CWC27: variants seen among roughly 807,000 people sequenced by gnomAD.
CWC27 encodes the protein spliceosome-associated protein CWC27 homolog.
In CWC27, 47 loss-of-function variants were observed where a neutral mutation model predicts 63.6. The ratio of observed to expected loss-of-function variants is 0.74; its 90% confidence interval spans 0.58 to 0.94. CWC27 has a LOEUF of 0.94. Among genes scored for constraint, CWC27 ranks in the 40% least tolerant of loss-of-function variants. The pLI is 0.00. For synonymous variants in CWC27, 175 were observed against 179.8 expected (o/e 0.97, Z 0.22); for missense variants, 495 against 554.3 (o/e 0.89, Z 1.07).
At chr5:64,901,745 A>G (rs191211711) in intron 11 of CWC27, among the ~76,000 whole-genome samples, 202 of 152,304 alleles carry the variant, frequency 1.3e-3, no homozygotes, top group African/African-American at 4.6e-3. Flanking sequence ...TTTTGTAATC[A>G]CACGTAGCTT....
At chr5:64,846,721 C>T (rs866471534) in intron 10 of CWC27, among the ~76,000 whole-genome samples, 11 of 151,828 alleles carry the variant, frequency 7.2e-5, no homozygotes, top group Non-Finnish European at 1.2e-4. Context: ...AGGCCGGGCA[C>T]AGTGGCTCAT....
intron 10 of CWC27, among the ~76,000 whole-genome samples, chr5:64,867,322 T>C (rs1340045213): frequency 2.6e-5 from 4 of 152,108 alleles, no homozygotes; most frequent in Admixed American, 6.6e-5. Context: ...GGTATTATTA[T>C]ATTATTGTTG....
At chr5:64,949,007 G>T (rs763448711) in intron 11 of CWC27, among the ~76,000 whole-genome samples, 1 of 151,934 alleles carries the variant, frequency 6.6e-6, no homozygotes, top group African/African-American at 2.4e-5. Flanking sequence ...GAAAACCACT[G>T]ACTTAAATGT....
chr5:64,962,670 C>G (rs532031029), intron 11 of CWC27, among the ~76,000 whole-genome samples: 1 of 152,232 alleles, frequency 6.6e-6, no homozygotes, highest in Admixed American at 6.5e-5. Context: ...GTATAGGATT[C>G]CTAAGTCAAG....
chr5:64,963,569 C>T (rs1748958231), intron 11 of CWC27, among the ~76,000 whole-genome samples: 1 of 152,132 alleles, frequency 6.6e-6, no homozygotes, highest in African/African-American at 2.4e-5. Flanking sequence ...TAATATGATA[C>T]ACCAAGTTAG....
intron 11 of CWC27, among the ~76,000 whole-genome samples, chr5:64,958,243 T>C (rs1748839059): frequency 6.6e-6 from 1 of 152,186 alleles, no homozygotes; most frequent in Non-Finnish European, 1.5e-5. Context: ...CCCAATGTGA[T>C]TACTAGTTTG....
chr5:64,774,549 G>A lies in CWC27; in HGVS notation c.43-142G>A. The A allele has an allele frequency of 1.1e-5, 5 of 467,180 alleles. No homozygotes were observed. In the South Asian group the frequency reaches 1.7e-4, roughly 15 times the overall value. 28.9% of individuals were successfully genotyped at this position (467,180 alleles called of 1,614,324 possible). A position where few individuals can be genotyped will look rare whatever the true frequency, so the allele number is the denominator to read the frequency against. ...TAGTGAATATTTGACATTTTGTTGAGTATATCAACAAAAGCCAAACACAAT... is the reference window on the plus strand; with the variant it reads ...TAGTGAATATTTGACATTTTGTTGAATATATCAACAAAAGCCAAACACAAT... On this transcript the variant is annotated intron_variant, in intron 1 of 13. Transcript: ENST00000381070.
Position 64,987,682 on chromosome 5 carries a change from A to G in CWC27, c.1256+10444A>G, listed in dbSNP as rs540545385. 5.3e-5 allele frequency among the ~76,000 whole-genome samples: 8 copies of G among 152,272 alleles called. No homozygotes were observed. The East Asian group carries it at 1.5e-3, about 29-fold the overall frequency. ...TTTAGAATGTCATTATTTAACCTGCATTTCTGAGGGATATTTTCACTGAAT... is the reference window on the plus strand; with the variant it reads ...TTTAGAATGTCATTATTTAACCTGCGTTTCTGAGGGATATTTTCACTGAAT... On this transcript the variant is annotated intron_variant, in intron 13 of 13. Transcript: ENST00000381070.
At chr5:64,835,816 T>A (rs1337288363) in intron 10 of CWC27, among the ~76,000 whole-genome samples, 1 of 151,870 alleles carries the variant, frequency 6.6e-6, no homozygotes. Flanking sequence ...AACCACTGTA[T>A]TTTTGCCTAA....
chr5:64,830,257 G>A (rs147892525), intron 10 of CWC27, among the ~76,000 whole-genome samples: 1 of 151,500 alleles, frequency 6.6e-6, no homozygotes, highest in African/African-American at 2.4e-5. Flanking sequence ...ACCTATGAGT[G>A]AGAACATGCA....
At chr5:64,807,407 C>T (rs1157764461) in intron 10 of CWC27, among the ~76,000 whole-genome samples, 2 of 152,130 alleles carry the variant, frequency 1.3e-5, no homozygotes, top group Non-Finnish European at 2.9e-5. Context: ...GGATCTTCTC[C>T]TAGTAATGTG....
intron 11 of CWC27, among the ~76,000 whole-genome samples, chr5:64,928,098 T>C (rs138090569): frequency 0.012 from 1,874 of 151,422 alleles, 24 homozygotes; most frequent in Non-Finnish European, 0.018. Context: ...AAGGTTGCAG[T>C]GAGCTGAGAT....
At chr5:64,840,832 C>G (rs1745815199) in intron 10 of CWC27, among the ~76,000 whole-genome samples, 1 of 152,108 alleles carries the variant, frequency 6.6e-6, no homozygotes. Context: ...AGGGGCTAAT[C>G]AAGGCATTGG....
rs201304417 is a variant in CWC27 at position 64,785,598 on chromosome 5, C to T, written c.495+19C>T. ...CTGTGAGGTAGGAGCATGATTATTA[C>T]GAGATACAGCACTTACATTGTCGTT... On this transcript the variant is annotated intron_variant, in intron 5 of 13. Transcript: ENST00000381070. 3.2e-5 allele frequency: 45 copies of T among 1,417,034 alleles called. No individual in the cohort carries two copies. Among genetic ancestry groups the T allele is most frequent in the African/African-American group, 4.3e-5 (3 of 69,682 alleles). The allele number at this position is 1,417,034 out of a possible 1,614,324, so 87.8% of individuals were successfully genotyped here. A position where few individuals can be genotyped will look rare whatever the true frequency, so the allele number is the denominator to read the frequency against.
chr5:64,901,338 G>A (rs980067750), intron 11 of CWC27, among the ~76,000 whole-genome samples: 1 of 151,952 alleles, frequency 6.6e-6, no homozygotes. Flanking sequence ...GCAGGTGCCT[G>A]TAGTCCCAGC....
At chr5:64,989,026 G>A (rs558811059) in intron 13 of CWC27, among the ~76,000 whole-genome samples, 11 of 152,086 alleles carry the variant, frequency 7.2e-5, no homozygotes, top group South Asian at 6.2e-4. Flanking sequence ...TTCTATTGTC[G>A]TGGGCCTCCC....
At chr5:64,878,515 G>T (rs1353212299) in intron 10 of CWC27, among the ~76,000 whole-genome samples, 7 of 112,676 alleles carry the variant, frequency 6.2e-5, no homozygotes, top group Non-Finnish European at 1.1e-4. Context: ...CTGTTAGTGT[G>T]CCTACTCATA....
chr5:64,899,202 A>C (rs1367645872), intron 11 of CWC27, among the ~76,000 whole-genome samples: 1 of 152,218 alleles, frequency 6.6e-6, no homozygotes, highest in African/African-American at 2.4e-5. Context: ...AATAGGCGGT[A>C]GTCCATTGGG....
At chr5:64,897,656 G>T (rs1312893152) in intron 11 of CWC27, among the ~76,000 whole-genome samples, 1 of 152,004 alleles carries the variant, frequency 6.6e-6, no homozygotes. Flanking sequence ...CAAGTTGATG[G>T]GTGCAGCAAA....
Sources: gnomAD v4.1 joint callset for allele counts (sites outside exome capture counted in the v4.1 genomes callset) on GRCh38, gnomAD v4.1.1 for gene constraint, MANE v1.5 for transcripts, NCBI Gene and HGNC (gene_info 2026-07-23, HGNC 2026-07-21) for gene names.